ATR: variants seen among roughly 807,000 people sequenced by gnomAD.
ATR encodes ATR checkpoint kinase, also known as serine/threonine-protein kinase ATR.
ATR carries 142 observed loss-of-function variants against 305.3 expected under a neutral mutation model. That is an observed-to-expected ratio of 0.47 (90% CI 0.41 to 0.53). ATR has a LOEUF of 0.53. Among genes scored for constraint, ATR ranks in the 20% least tolerant of loss-of-function variants. The probability of loss-of-function intolerance (pLI) is 0.00; values close to 1 mark genes in which losing one functional copy is unlikely to be tolerated. For missense variants in ATR, 2,135 were observed against 3,133.1 expected (o/e 0.68, Z 7.60); for synonymous variants, 1,050 against 1,068.1 (o/e 0.98, Z 0.33).
chr3:142,565,743 A>C (rs2035046901), intron 3 of ATR, among the ~76,000 whole-genome samples: 1 of 148,724 alleles, frequency 6.7e-6, no homozygotes, highest in Non-Finnish European at 1.5e-5. Context: ...TAAAAAAAAA[A>C]AAAAAAAAAA....
At chr3:142,488,020 G>A (rs1437809455) in intron 35 of ATR, among the ~76,000 whole-genome samples, 1 of 152,198 alleles carries the variant, frequency 6.6e-6, no homozygotes, top group African/African-American at 2.4e-5. Context: ...CCAGCAAACT[G>A]AAATTGATGA....
chr3:142,467,389 T>C (rs2071155953), intron 39 of ATR, among the ~76,000 whole-genome samples: 1 of 152,164 alleles, frequency 6.6e-6, no homozygotes, highest in Non-Finnish European at 1.5e-5. Flanking sequence ...CTTAGTTCCC[T>C]AAAAGACTGT....
rs1457036225 is a variant in ATR, at chr3:142,519,716, TCTC to T, written c.4332_4334del (p.Arg1445del). ...GTATTTCCCGAACATGCTCAGGAAATCTCCTCCACAATTGGTGACCTGGGCCGT... is the reference window on the plus strand; with the variant it reads ...GTATTTCCCGAACATGCTCAGGAAATCTCCACAATTGGTGACCTGGGCCGT... On this transcript the variant is annotated inframe_deletion, in exon 24 of 47. Transcript: ENST00000350721. 3.1e-6 allele frequency: 5 copies of T among 1,613,954 alleles called. No individual in the cohort carries two copies. The highest frequency in any genetic ancestry group is 1.3e-5 in the African/African-American group (1 of 74,922).
At chr3:142,529,115 C>T (rs1300615424) in intron 21 of ATR, among the ~76,000 whole-genome samples, 1 of 151,148 alleles carries the variant, frequency 6.6e-6, no homozygotes, top group African/African-American at 2.4e-5. Flanking sequence ...CTCCTGACCT[C>T]GTGATCTGCC....
At chr3:142,464,739 A>G (rs1276268909) in intron 41 of ATR, among the ~76,000 whole-genome samples, 1 of 152,210 alleles carries the variant, frequency 6.6e-6, no homozygotes. Context: ...TAATTGTTTC[A>G]TAGACACAGA....
chr3:142,552,026 A>T (rs2034488082), intron 13 of ATR, among the ~76,000 whole-genome samples: 1 of 152,228 alleles, frequency 6.6e-6, no homozygotes, highest in Non-Finnish European at 1.5e-5. Flanking sequence ...TCCAAAGAAG[A>T]CATACATGCA....
intron 3 of ATR, among the ~76,000 whole-genome samples, chr3:142,564,787 T>TGGA (rs2035010127): frequency 6.6e-6 from 1 of 152,174 alleles, no homozygotes; most frequent in Non-Finnish European, 1.5e-5. Context: ...GTTCTCACTC[T>TGGA]GTTACCCAGG....
At chr3:142,522,000 A>C (rs1403086092) in intron 23 of ATR, among the ~76,000 whole-genome samples, 3 of 152,160 alleles carry the variant, frequency 2.0e-5, no homozygotes, top group Admixed American at 2.0e-4. Context: ...CTACAGAGAA[A>C]CCTTTCATGA....
chr3:142,523,309 A>T (rs888766308), intron 22 of ATR, among the ~76,000 whole-genome samples: 1 of 151,912 alleles, frequency 6.6e-6, no homozygotes, highest in Non-Finnish European at 1.5e-5. Flanking sequence ...AATCCCAGCT[A>T]CTCGGGAGGC....
intron 35 of ATR, among the ~76,000 whole-genome samples, 183 bp downstream of exon 35, chr3:142,492,949 A>G (rs984350201): frequency 6.6e-6 from 1 of 152,002 alleles, no homozygotes; most frequent in African/African-American, 2.4e-5. Flanking sequence ...ATAATATTCT[A>G]TTTCTTGATG....
At chr3:142,486,101 A>G (rs544267628) in intron 35 of ATR, among the ~76,000 whole-genome samples, 1 of 152,234 alleles carries the variant, frequency 6.6e-6, no homozygotes, top group African/African-American at 2.4e-5. Flanking sequence ...TCCTGCCTTA[A>G]ATATTTGTGT....
Position 142,506,222 on chromosome 3 carries a change from TG to T in ATR, c.5032-920del, listed in dbSNP as rs1170914517. The stretch of plus-strand genomic sequence containing the variant: ...AAGTTCCGGAAACAGAGAGATGGGA[TG>T]TATCTAAAGGAGAAGGTAGGATTTA... On this transcript the variant is annotated intron_variant, in intron 28 of 46. Coordinates refer to ENST00000350721, the MANE Select transcript of ATR (RefSeq NM_001184.4). 1.2e-4 allele frequency among the ~76,000 whole-genome samples: 19 copies of T among 152,312 alleles called. No homozygotes were observed. The South Asian group carries it at 3.5e-3, about 28-fold the overall frequency.
intron 19 of ATR, among the ~76,000 whole-genome samples, chr3:142,536,446 C>G (rs1479229321): frequency 1.3e-5 from 2 of 152,180 alleles, no homozygotes; most frequent in African/African-American, 4.8e-5. Context: ...AGCATACAAA[C>G]CCATATATAC....
chr3:142,553,637 T>C lies in ATR; in HGVS notation c.2633+3A>G. 6.3e-7 allele frequency: 1 copy of C among 1,597,606 alleles called. No individual in the cohort carries two copies. The highest frequency in any genetic ancestry group is 2.2e-5 in the East Asian group (1 of 44,752). On this transcript the variant is annotated splice_donor_region_variant and intron_variant, in intron 12 of 46. Coordinates refer to ENST00000350721, the MANE Select transcript of ATR (RefSeq NM_001184.4). ...GGAAGAACACAAATGCTGCCAAGTATACCTTCCAATATCCCCTGTTGTAAG... is the reference window on the plus strand; with the variant it reads ...GGAAGAACACAAATGCTGCCAAGTACACCTTCCAATATCCCCTGTTGTAAG...
chr3:142,492,161 T>C (rs2031319613), intron 35 of ATR, among the ~76,000 whole-genome samples: 1 of 151,990 alleles, frequency 6.6e-6, no homozygotes. Context: ...GGATATAGAG[T>C]AGTTTTTAGC....
At chr3:142,510,983 C>T (rs1255787542) in intron 27 of ATR, among the ~76,000 whole-genome samples, 1 of 152,014 alleles carries the variant, frequency 6.6e-6, no homozygotes, top group Admixed American at 6.6e-5. Flanking sequence ...TAAGATAGAG[C>T]AGGGTGTAGT....
intron 46 of ATR, chr3:142,452,583 A>G: frequency 1.3e-5 from 9 of 685,882 alleles, no homozygotes; most frequent in Non-Finnish European, 1.6e-5. Context: ...CTAAGGCAGG[A>G]GAACTGCTTG....
At chr3:142,576,476 G>A (rs1303816565) in intron 1 of ATR, among the ~76,000 whole-genome samples, 2 of 152,192 alleles carry the variant, frequency 1.3e-5, no homozygotes, top group Non-Finnish European at 2.9e-5. Context: ...TAGACTGAAA[G>A]CACATGTGAA....
chr3:142,520,262 G>A (rs1339710942), intron 23 of ATR, among the ~76,000 whole-genome samples: 1 of 152,012 alleles, frequency 6.6e-6, no homozygotes, highest in Non-Finnish European at 1.5e-5. Context: ...TATTTCCAAA[G>A]ACATAAGAAT....
Sources: allele counts gnomAD v4.1 joint callset (sites outside exome capture counted in the v4.1 genomes callset), GRCh38; gene constraint gnomAD v4.1.1; transcripts MANE v1.5; gene names NCBI Gene and HGNC (gene_info 2026-07-23, HGNC 2026-07-21).